Variants in KLHL14 observed in about 807,000 individuals in gnomAD.
The protein encoded by KLHL14 is kelch like family member 14, also known as kelch-like protein 14.
In KLHL14, 22 loss-of-function variants were observed where a neutral mutation model predicts 64.3. The ratio of observed to expected loss-of-function variants is 0.34; its 90% CI spans 0.24 to 0.49. The LOEUF is 0.49. KLHL14 is among the 20% of genes least tolerant of loss of function. The pLI is 0.99. For synonymous variants in KLHL14, 322 were observed against 333.4 expected (o/e 0.97, Z 0.37); for missense variants, 661 against 789.0 (o/e 0.84, Z 1.94).
At chr18:32,755,777 A>G (rs2050278600) in intron 2 of KLHL14, among the ~76,000 whole-genome samples, 1 of 152,146 alleles carries the variant, frequency 6.6e-6, no homozygotes, top group Admixed American at 6.5e-5. Context: ...GCTAGGGAAG[A>G]TATATTTTGT....
intron 2 of KLHL14, among the ~76,000 whole-genome samples, chr18:32,761,150 A>G (rs767322180): frequency 4.6e-5 from 7 of 152,196 alleles, no homozygotes; most frequent in Non-Finnish European, 7.3e-5. Context: ...TAGAACTATA[A>G]TTATTAACCC....
At chr18:32,685,913 T>C (rs966378269) in intron 5 of KLHL14, among the ~76,000 whole-genome samples, 1 of 152,150 alleles carries the variant, frequency 6.6e-6, no homozygotes, top group Admixed American at 6.5e-5. Context: ...AATCTCAGGG[T>C]AATCTACTTA....
At chr18:32,766,254 G>T (rs2050343482) in intron 2 of KLHL14, among the ~76,000 whole-genome samples, 1 of 151,934 alleles carries the variant, frequency 6.6e-6, no homozygotes, top group African/African-American at 2.4e-5. Context: ...TGGGATAATT[G>T]CTAAATTATA....
chr18:32,735,462 C>T (rs1189928567), intron 3 of KLHL14, among the ~76,000 whole-genome samples: 1 of 152,158 alleles, frequency 6.6e-6, no homozygotes. Flanking sequence ...CATCTCCTAT[C>T]TGTTTCCCCC....
chr18:32,752,178 G>T (rs1375205422), intron 2 of KLHL14, among the ~76,000 whole-genome samples: 5 of 152,066 alleles, frequency 3.3e-5, no homozygotes, highest in Non-Finnish European at 7.4e-5. Context: ...GGAATAGGTG[G>T]GCAGACTAAA....
At chr18:32,718,955 CT>C (rs1231168119) in intron 3 of KLHL14, among the ~76,000 whole-genome samples, 14 of 149,128 alleles carry the variant, frequency 9.4e-5, no homozygotes, top group East Asian at 2.0e-4. Flanking sequence ...AACTTTCTTT[CT>C]TTTTTTTTTG....
chr18:32,722,629 C>T (rs1016749200), intron 3 of KLHL14, among the ~76,000 whole-genome samples: 4 of 151,842 alleles, frequency 2.6e-5, no homozygotes, highest in Admixed American at 1.3e-4. Context: ...CTTCAGCTGG[C>T]GAAGAAAATC....
chr18:32,752,621 C>A (rs2144540975), intron 2 of KLHL14, among the ~76,000 whole-genome samples: 1 of 152,272 alleles, frequency 6.6e-6, no homozygotes, highest in African/African-American at 2.4e-5. Flanking sequence ...ACAATGTTTA[C>A]CAAACTTCAG....
At chr18:32,725,734 A>G (rs2050104860) in intron 3 of KLHL14, among the ~76,000 whole-genome samples, 1 of 152,236 alleles carries the variant, frequency 6.6e-6, no homozygotes, top group Admixed American at 6.5e-5. Flanking sequence ...TCAGAATAGC[A>G]TCTGCCTCTC....
At chr18:32,729,038 T>C (rs776549778) in intron 3 of KLHL14, among the ~76,000 whole-genome samples, 1 of 152,198 alleles carries the variant, frequency 6.6e-6, no homozygotes, top group Non-Finnish European at 1.5e-5. Flanking sequence ...TGGTCCTTTG[T>C]TATGGCAGCC....
intron 2 of KLHL14, among the ~76,000 whole-genome samples, chr18:32,748,017 G>C (rs1312326053): frequency 6.6e-6 from 1 of 152,100 alleles, no homozygotes; most frequent in Non-Finnish European, 1.5e-5. Flanking sequence ...AGATAATAAT[G>C]GGAACAAGAG....
intron 3 of KLHL14, among the ~76,000 whole-genome samples, chr18:32,706,910 G>C (rs1444466819): frequency 6.6e-6 from 1 of 152,112 alleles, no homozygotes; most frequent in East Asian, 1.9e-4. Flanking sequence ...GGGGGAAGCT[G>C]TCTGTCACAA....
chr18:32,705,090 A>C (rs2049983689), intron 3 of KLHL14, among the ~76,000 whole-genome samples: 1 of 152,232 alleles, frequency 6.6e-6, no homozygotes, highest in African/African-American at 2.4e-5. Context: ...CTGAGCACCT[A>C]CTAAGTGCCA....
chr18:32,726,643 AAAAATAAAAT>A (rs58493270), intron 3 of KLHL14, among the ~76,000 whole-genome samples: 3 of 151,724 alleles, frequency 2.0e-5, no homozygotes, highest in Non-Finnish European at 2.9e-5. Context: ...ATAAATAAAT[AAAAATAAAAT>A]AAAATAAAAT....
At chr18:32,708,159 C>G (rs1036697342) in intron 3 of KLHL14, among the ~76,000 whole-genome samples, 4 of 152,136 alleles carry the variant, frequency 2.6e-5, no homozygotes, top group Non-Finnish European at 5.9e-5. Context: ...GTATTTCTGA[C>G]AAACTGCTTC....
rs1047339842 is a variant in KLHL14, at chr18:32,770,906, C to G, written c.-43-272G>C. The G allele has an allele frequency of 2.1e-6, 1 of 475,508 alleles. No individual in the cohort carries two copies. Among genetic ancestry groups the G allele is most frequent in the African/African-American group, 2.0e-5 (1 of 48,864 alleles). 29.5% of individuals were successfully genotyped at this position (475,508 alleles called of 1,614,324 possible). The stretch of plus-strand genomic sequence containing the variant: ...TCCTCTCGCCACCTCCCACACACTT[C>G]GTCCCTCACTTTCCTAAAACCAACC... On this transcript the variant is annotated intron_variant, in intron 1 of 8. Coordinates refer to ENST00000359358, the MANE Select transcript of KLHL14 (RefSeq NM_020805.3). This position sits in a 1 kb window ranked among gnomAD's most constrained non-coding sequence, Gnocchi z 6.7.
In KLHL14 at chr18:32,711,321, CAAG is replaced by C. The variant is rs689520; in HGVS notation, c.1070-15772_1070-15770del. On this transcript the variant is annotated intron_variant, in intron 3 of 8. Coordinates refer to ENST00000359358, the MANE Select transcript of KLHL14 (RefSeq NM_020805.3). ...GTAGCATTTGGGGAGAAGGAGTAGG[CAAG>C]AACATTTTTATGTAATAAAAAGAGG... Among the ~76,000 whole-genome samples, 1,493 of 151,988 alleles carry C rather than the reference CAAG, an allele frequency of 9.8e-3. 25 individuals are homozygous for C. Among genetic ancestry groups the C allele is most frequent in the African/African-American group, 0.029 (1,222 of 41,454 alleles).
rs1306670522 is a variant in KLHL14 at position 32,744,757 on chromosome 18, G to A, written c.948-2708C>T. On this transcript the variant is annotated intron_variant, in intron 2 of 8. Transcript: ENST00000359358. Reference sequence around the variant, plus strand: ...GGAACTTCCCTAGACAAGTTACACTGGTGATTCTCCACCCTGATTTAGATG... The same window carrying A: ...GGAACTTCCCTAGACAAGTTACACTAGTGATTCTCCACCCTGATTTAGATG... 7 of 152,162 alleles carry A rather than the reference G, an allele frequency of 4.6e-5. No homozygotes were observed. The East Asian group carries it at 1.3e-3, about 29-fold the overall frequency. The allele number at this position is 152,162 out of a possible 1,614,324, so 9.4% of individuals were successfully genotyped here.
chr18:32,772,290 G>A, intron 1 of KLHL14: 2 of 374,530 alleles, frequency 5.3e-6, no homozygotes, highest in African/African-American at 2.1e-5. Context: ...CGTTCCAGGT[G>A]GACCCTACCC....
Sources: allele counts gnomAD v4.1 joint callset (sites outside exome capture counted in the v4.1 genomes callset), GRCh38; gene constraint gnomAD v4.1.1; non-coding constraint Gnocchi (gnomAD v3.1); transcripts MANE v1.5; gene names NCBI Gene and HGNC (gene_info 2026-07-23, HGNC 2026-07-21).